USO1: variants seen among roughly 807,000 people sequenced by gnomAD.
USO1 encodes the protein general vesicular transport factor p115.
USO1 carries 57 observed loss-of-function variants against 124.5 expected under a neutral mutation model. The observed-to-expected ratio is 0.46, with a 90% CI of 0.37 to 0.57. The LOEUF is 0.57. USO1 is among the 20% of genes least tolerant of loss of function. The pLI, the probability that USO1 is intolerant of heterozygous loss-of-function variation, is 0.00. For synonymous variants in USO1, 369 were observed against 362.8 expected (o/e 1.02, Z -0.19); for missense variants, 900 against 1,040.6 (o/e 0.86, Z 1.86).
In USO1 at chr4:75,799,598, T is replaced by G. The variant is rs750712801; in HGVS notation, c.1453-24T>G. The G allele has an allele frequency of 1.9e-6, 3 of 1,609,556 alleles. No homozygotes were observed. The African/African-American group carries it at 4.0e-5, about 22-fold the overall frequency. ...GAAAAATATAAAATGAATGGAAAGA[T>G]TTCTACCAATTTATCTGTTGCAGGG... On this transcript the variant is annotated intron_variant, in intron 13 of 23. Transcript: ENST00000514213.
At position 75,791,835 on chromosome 4, in the gene USO1, T is replaced by A. The variant is rs533641162; in HGVS notation, c.1240+1038T>A. Among the ~76,000 whole-genome samples the A allele has an allele frequency of 4.6e-5, 7 of 152,268 alleles. No homozygotes were observed. In the South Asian group the frequency reaches 1.4e-3, roughly 32 times the overall value. On this transcript the variant is annotated intron_variant, in intron 12 of 23. Transcript: ENST00000514213. ...TTTGGTAAAAAATTACCATAAAAAA[T>A]TATTGATCATTAATGAAAATAAGAC...
chr4:75,742,776 T>C (rs1386187668), intron 1 of USO1, among the ~76,000 whole-genome samples: 4 of 152,214 alleles, frequency 2.6e-5, no homozygotes, highest in Non-Finnish European at 5.9e-5. Flanking sequence ...AAATCTGATA[T>C]CTAAATGTTT....
At chr4:75,745,186 A>G (rs1413526487) in intron 1 of USO1, 2 of 291,468 alleles carry the variant, frequency 6.9e-6, no homozygotes, top group South Asian at 3.3e-5. Flanking sequence ...AAAAGTGAGT[A>G]TATTAATCCT....
At chr4:75,774,256 T>C (rs201871879) in intron 7 of USO1, among the ~76,000 whole-genome samples, 1 of 152,196 alleles carries the variant, frequency 6.6e-6, no homozygotes, top group Admixed American at 6.5e-5. Context: ...TACTAGACTG[T>C]GGTGGTGTTC....
chr4:75,752,281 A>AT (rs1194474175), intron 1 of USO1, 92 bp from the exon 2 acceptor site: 493 of 358,802 alleles, frequency 1.4e-3, no homozygotes, highest in African/African-American at 4.5e-3. Context: ...CCATGTGCTG[A>AT]TTTTTTTTTT....
intron 16 of USO1, 37 bp downstream of exon 16, chr4:75,800,836 G>A (rs1331224662): frequency 1.9e-6 from 3 of 1,581,958 alleles, no homozygotes; most frequent in Non-Finnish European, 1.7e-6. Context: ...TTGATGGAAA[G>A]TAATTATATT....
At chr4:75,747,685 C>A (rs1363505723) in intron 1 of USO1, among the ~76,000 whole-genome samples, 1 of 143,180 alleles carries the variant, frequency 7.0e-6, no homozygotes, top group Admixed American at 7.3e-5. Context: ...TCTTGGCTCA[C>A]TGCAAGCTCC....
At chr4:75,762,782 G>T (rs1466726360) in intron 4 of USO1, among the ~76,000 whole-genome samples, 2 of 152,082 alleles carry the variant, frequency 1.3e-5, no homozygotes, top group African/African-American at 4.8e-5. Flanking sequence ...CAAAAAATTA[G>T]CCAGGCGTGG....
At chr4:75,743,970 G>A (rs1008353572) in intron 1 of USO1, among the ~76,000 whole-genome samples, 1 of 152,062 alleles carries the variant, frequency 6.6e-6, no homozygotes, top group Admixed American at 6.6e-5. Context: ...TAGAGATGGG[G>A]TTTCACCGTG....
At chr4:75,792,927 T>G (rs530959554) in intron 12 of USO1, among the ~76,000 whole-genome samples, 138 of 152,266 alleles carry the variant, frequency 9.1e-4, no homozygotes, top group Admixed American at 2.6e-3. Flanking sequence ...CAAATAAATT[T>G]TACCTTCTAC....
intron 1 of USO1, among the ~76,000 whole-genome samples, chr4:75,751,481 G>C (rs1360899496): frequency 6.8e-6 from 1 of 147,634 alleles, no homozygotes; most frequent in South Asian, 2.1e-4. Context: ...CAAAGTGCTG[G>C]GATTACAGGC....
intron 7 of USO1, 50 bp from the exon 8 acceptor site, chr4:75,774,626 A>T: frequency 6.5e-7 from 1 of 1,542,640 alleles, no homozygotes; most frequent in Non-Finnish European, 8.7e-7. Flanking sequence ...TAATTTAAAA[A>T]TGTCTCATAA....
intron 3 of USO1, among the ~76,000 whole-genome samples, chr4:75,757,117 CTG>C (rs1491148733): frequency 1.6e-3 from 3 of 1,840 alleles, no homozygotes; most frequent in Admixed American, 5.0e-3. Context: ...AATGGAATAA[CTG>C]TGCATAAATT....
intron 19 of USO1, among the ~76,000 whole-genome samples, chr4:75,806,074 C>T (rs2149193724): frequency 6.6e-6 from 1 of 152,242 alleles, no homozygotes; most frequent in African/African-American, 2.4e-5. Context: ...TCACTGCAAC[C>T]TCCACCTCCC....
intron 21 of USO1, among the ~76,000 whole-genome samples, chr4:75,809,309 G>GA (rs113354303): frequency 0.65 from 98,018 of 151,602 alleles, 33,844 homozygotes; most frequent in East Asian, 0.91. Flanking sequence ...TTCAGTCCAA[G>GA]CTGGCAGTTT....
In USO1 at chr4:75,757,486, CT is replaced by C; in HGVS notation, c.219-5del. 4.7e-6 allele frequency: 7 copies of C among 1,488,948 alleles called. No individual in the cohort carries two copies. The highest frequency in any genetic ancestry group is 1.3e-5 in the South Asian group (1 of 75,938). 92.2% of individuals were successfully genotyped at this position (1,488,948 alleles called of 1,614,324 possible). ...CAGCAGTGTATAAGTGTAATAATTT[CT>C]TTTTTCCAGTTCAGATTCTGAAATA... On this transcript the variant is annotated splice_polypyrimidine_tract_variant and intron_variant, in intron 3 of 23. Transcript: ENST00000514213.
intron 1 of USO1, among the ~76,000 whole-genome samples, chr4:75,733,894 G>C (rs1228828134): frequency 6.7e-6 from 1 of 149,452 alleles, no homozygotes; most frequent in African/African-American, 2.5e-5. Context: ...TCTTTGCCAA[G>C]GCCAATGTCC....
intron 1 of USO1, among the ~76,000 whole-genome samples, chr4:75,737,415 T>C (rs1188191432): frequency 6.6e-6 from 1 of 152,206 alleles, no homozygotes; most frequent in Non-Finnish European, 1.5e-5. Context: ...CTGGGGGTAT[T>C]TCTTTTTTCT....
intron 1 of USO1, among the ~76,000 whole-genome samples, chr4:75,730,708 T>C (rs1434851437): frequency 6.6e-6 from 1 of 152,180 alleles, no homozygotes; most frequent in Non-Finnish European, 1.5e-5. Context: ...TACTCTGCTT[T>C]TTGTCTGTTG....
Sources: gnomAD v4.1 joint callset for allele counts (sites outside exome capture counted in the v4.1 genomes callset) on GRCh38, gnomAD v4.1.1 for gene constraint, MANE v1.5 for transcripts, NCBI Gene and HGNC (gene_info 2026-07-23, HGNC 2026-07-21) for gene names.